Variants in SLC7A8 observed in about 807,000 individuals in gnomAD.
SLC7A8 encodes the protein solute carrier family 7 member 8, also known as large neutral amino acids transporter small subunit 2.
A neutral mutation model predicts 51.2 loss-of-function variants in SLC7A8; 30 were observed. The ratio of observed to expected loss-of-function variants is 0.59; its 90% CI spans 0.44 to 0.80. SLC7A8 has a LOEUF of 0.80. Among genes scored for constraint, SLC7A8 ranks in the 30% least tolerant of loss-of-function variants. The probability of loss-of-function intolerance (pLI) is 0.00; values close to 1 mark genes in which losing one functional copy is unlikely to be tolerated. For synonymous variants in SLC7A8, 257 were observed against 275.8 expected (o/e 0.93, Z 0.67); for missense variants, 612 against 674.4 (o/e 0.91, Z 1.03).
intron 3 of SLC7A8, among the ~76,000 whole-genome samples, chr14:23,155,834 T>C (rs2048888422): frequency 6.6e-6 from 1 of 151,474 alleles, no homozygotes; most frequent in Non-Finnish European, 1.5e-5. Context: ...GTGGATCCTG[T>C]GAGGTTTAGT....
chr14:23,137,858 T>C (rs1171363056), intron 7 of SLC7A8, 63 bp downstream of exon 7: 45 of 1,586,814 alleles, frequency 2.8e-5, no homozygotes, highest in Non-Finnish European at 3.7e-5. Context: ...GCCCACCATA[T>C]ACAAATAGCA....
At position 23,125,406 on chromosome 14, in the gene SLC7A8, C is replaced by G. The variant is rs527982109; in HGVS notation, c.*1771G>C. 2.0e-5 allele frequency: 3 copies of G among 152,484 alleles called. No individual in the cohort carries two copies. In the South Asian group the frequency reaches 6.2e-4, roughly 32 times the overall value. 9.4% of individuals were successfully genotyped at this position (152,484 alleles called of 1,614,324 possible). ...ATTATCATTAAGGTTCTAACTCCATCCCCCAAAACAACCTTACATTAAAAA... is the reference window on the plus strand; with the variant it reads ...ATTATCATTAAGGTTCTAACTCCATGCCCCAAAACAACCTTACATTAAAAA... On this transcript the variant is annotated 3_prime_UTR_variant, in exon 11 of 11. Coordinates refer to ENST00000316902, the MANE Select transcript of SLC7A8 (RefSeq NM_012244.4).
chr14:23,138,065 CACT>C, intron 6 of SLC7A8, 41 bp from the exon 7 acceptor site: 1 of 1,609,366 alleles, frequency 6.2e-7, no homozygotes, highest in Non-Finnish European at 8.5e-7. Flanking sequence ...GAGAGGTCAC[CACT>C]CCCCGACCCC....
chr14:23,145,768 C>A (rs1473919398), intron 3 of SLC7A8, among the ~76,000 whole-genome samples: 1 of 152,162 alleles, frequency 6.6e-6, no homozygotes, highest in African/African-American at 2.4e-5. Flanking sequence ...AAAGGAGACA[C>A]AATCCCTAGT....
chr14:23,143,524 C>A (rs2048764459), intron 3 of SLC7A8, among the ~76,000 whole-genome samples: 2 of 152,276 alleles, frequency 1.3e-5, no homozygotes, highest in South Asian at 4.1e-4. Flanking sequence ...GCTTTGTCTT[C>A]AAGTTATTAT....
chr14:23,164,566 C>T (rs907863109), intron 3 of SLC7A8, among the ~76,000 whole-genome samples: 2 of 151,926 alleles, frequency 1.3e-5, no homozygotes, highest in African/African-American at 4.8e-5. Flanking sequence ...AGAACCCTGC[C>T]AGTGAAAATC....
rs762062170 is a variant in SLC7A8, at chr14:23,166,474, C to G, written c.218G>C (p.Gly73Ala). 8.7e-6 allele frequency: 14 copies of G among 1,614,198 alleles called. No homozygotes were observed. The South Asian group carries it at 1.5e-4, about 18-fold the overall frequency. The part of the protein sequence containing the change: ...KGVLENAGSV[G>A]LALIVWIVTG... Reference sequence around the variant, plus strand: ...CACAATCCAGACGATGAGAGCAAGGCCCACAGAACCAGCATTCTCCAGCAC... The same window carrying G: ...CACAATCCAGACGATGAGAGCAAGGGCCACAGAACCAGCATTCTCCAGCAC... The change falls in exon 2 of 11, where the codon GGC becomes GCC. Residue 73 changes from glycine to alanine, a missense_variant. Physicochemically the swap from Gly to Ala is moderately conservative, Grantham distance 60. Transcript: ENST00000316902.
Position 23,183,337 on chromosome 14 carries a change from G to A in SLC7A8, c.-423C>T, listed in dbSNP as rs2140346043. 6.4e-6 allele frequency: 1 copy of A among 157,286 alleles called. No homozygotes were observed. Among genetic ancestry groups the A allele is most frequent in the South Asian group, 2.0e-4 (1 of 5,054 alleles). 9.7% of individuals were successfully genotyped at this position (157,286 alleles called of 1,614,324 possible). A position where few individuals can be genotyped will look rare whatever the true frequency, so the allele number is the denominator to read the frequency against. ...TTCACCTCTCCCCCTAATAAAACAG[G>A]AGACTGCCTTTACCTCCCCTTAGTT... On this transcript the variant is annotated 5_prime_UTR_variant, in exon 1 of 11. Coordinates refer to ENST00000316902, the MANE Select transcript of SLC7A8 (RefSeq NM_012244.4).
chr14:23,178,832 C>A (rs1877035121), intron 1 of SLC7A8, among the ~76,000 whole-genome samples: 1 of 135,998 alleles, frequency 7.4e-6, no homozygotes, highest in African/African-American at 2.9e-5. Flanking sequence ...CTGCAGTGAG[C>A]TATGATTGCA....
intron 1 of SLC7A8, among the ~76,000 whole-genome samples, chr14:23,172,951 A>G (rs2048982068): frequency 1.3e-5 from 2 of 152,068 alleles, no homozygotes; most frequent in Non-Finnish European, 2.9e-5. Context: ...TGTAGTATTC[A>G]TGGGAATAAC....
At chr14:23,164,976 A>G (rs966045666) in intron 3 of SLC7A8, among the ~76,000 whole-genome samples, 8 of 150,822 alleles carry the variant, frequency 5.3e-5, no homozygotes, top group Non-Finnish European at 1.0e-4. Flanking sequence ...TGGGTGACAG[A>G]GTGAGACCCT....
chr14:23,156,032 CTT>C (rs2048890324), intron 3 of SLC7A8, among the ~76,000 whole-genome samples: 1 of 150,372 alleles, frequency 6.7e-6, no homozygotes, highest in South Asian at 2.1e-4. Flanking sequence ...GAGTTTCGCT[CTT>C]GTTGCCCAGG....
In SLC7A8 at chr14:23,126,778, T is replaced by TC; in HGVS notation, c.*398dup. 4.1e-6 allele frequency: 1 copy of TC among 243,580 alleles called. No homozygotes were observed. Among genetic ancestry groups the TC allele is most frequent in the Non-Finnish European group, 8.2e-6 (1 of 122,412 alleles). 15.1% of individuals were successfully genotyped at this position (243,580 alleles called of 1,614,324 possible). A position where few individuals can be genotyped will look rare whatever the true frequency, so the allele number is the denominator to read the frequency against. On this transcript the variant is annotated 3_prime_UTR_variant, in exon 11 of 11. Coordinates refer to ENST00000316902, the MANE Select transcript of SLC7A8 (RefSeq NM_012244.4). ...ATGGGGACAGAATTGCTTGAGCCTG[T>TC]CCCCCCACAATGCAGCTCCTGTGGC...
chr14:23,169,411 A>C (rs762073576), intron 1 of SLC7A8, among the ~76,000 whole-genome samples: 3 of 152,194 alleles, frequency 2.0e-5, no homozygotes, highest in Non-Finnish European at 4.4e-5. Flanking sequence ...ATTGAGCTAC[A>C]CTAGTATAAA....
In SLC7A8 at chr14:23,126,765, T is replaced by C. The variant is rs1408481184; in HGVS notation, c.*412A>G. The C allele has an allele frequency of 4.5e-6, 1 of 222,454 alleles. No individual in the cohort carries two copies. Among genetic ancestry groups the C allele is most frequent in the East Asian group, 1.2e-4 (1 of 8,350 alleles). The allele number at this position is 222,454 out of a possible 1,614,324, so 13.8% of individuals were successfully genotyped here. On this transcript the variant is annotated 3_prime_UTR_variant, in exon 11 of 11. Transcript: ENST00000316902. ...AGCTGACCCCTTGATGGGGACAGAATTGCTTGAGCCTGTCCCCCCACAATG... is the reference window on the plus strand; with the variant it reads ...AGCTGACCCCTTGATGGGGACAGAACTGCTTGAGCCTGTCCCCCCACAATG...
At chr14:23,154,154 C>A in intron 3 of SLC7A8, 4 of 735,716 alleles carry the variant, frequency 5.4e-6, no homozygotes, top group Non-Finnish European at 6.7e-6. Flanking sequence ...CCTCTCCAAA[C>A]CTGCAAAACA....
chr14:23,155,692 A>G (rs1374513209), intron 3 of SLC7A8, among the ~76,000 whole-genome samples: 4 of 151,756 alleles, frequency 2.6e-5, no homozygotes, highest in Non-Finnish European at 2.9e-5. Context: ...GCTATCTCAC[A>G]CACCAATTCT....
intron 4 of SLC7A8, among the ~76,000 whole-genome samples, chr14:23,141,476 G>T (rs2048744645): frequency 6.6e-6 from 1 of 152,180 alleles, no homozygotes; most frequent in Non-Finnish European, 1.5e-5. Flanking sequence ...TTGAGACGGA[G>T]TCTCGCTCTG....
At position 23,147,090 on chromosome 14, in the gene SLC7A8, C is replaced by CATCCATCCATCCATCCATCT. The variant is rs1370001981; in HGVS notation, c.509-3887_509-3886insAGATGGATGGATGGATGGAT. On this transcript the variant is annotated intron_variant, in intron 3 of 10. Coordinates refer to ENST00000316902, the MANE Select transcript of SLC7A8 (RefSeq NM_012244.4). ...GTGAGGGGCTTTTTATCCATCCATC[C>CATCCATCCATCCATCCATCT]ATCCATCCATCCATCATAGATCCAT... 1.2e-3 allele frequency among the ~76,000 whole-genome samples: 184 copies of CATCCATCCATCCATCCATCT among 152,062 alleles called. 2 individuals carry two copies. Among genetic ancestry groups the CATCCATCCATCCATCCATCT allele is most frequent in the Admixed American group, 8.7e-3 (133 of 15,272 alleles).
Sources: allele counts gnomAD v4.1 joint callset (sites outside exome capture counted in the v4.1 genomes callset), GRCh38; gene constraint gnomAD v4.1.1; transcripts MANE v1.5; gene names NCBI Gene and HGNC (gene_info 2026-07-23, HGNC 2026-07-21).